Variants in CA10 observed in about 807,000 individuals in gnomAD.
The protein encoded by CA10 is carbonic anhydrase 10 (inactive).
Under a neutral mutation model 44.2 loss-of-function variants are expected in CA10, and 14 were observed. The ratio of observed to expected loss-of-function variants is 0.32; its 90% CI spans 0.21 to 0.50. The LOEUF (loss-of-function observed/expected upper bound fraction) is 0.50, where lower values mean the gene tolerates loss of function less well. Among genes scored for constraint, CA10 ranks in the 20% least tolerant of loss-of-function variants. The pLI is 0.99. For missense variants in CA10, 350 were observed against 409.7 expected, an observed-to-expected ratio of 0.85 and a Z score of 1.26; for synonymous variants, 159 against 141.6, an observed-to-expected ratio of 1.12 and a Z score of -0.87.
intron 2 of CA10, among the ~76,000 whole-genome samples, chr17:52,002,692 A>C (rs1203950808): frequency 6.6e-6 from 1 of 151,976 alleles, no homozygotes; most frequent in Non-Finnish European, 1.5e-5. Context: ...TTCAGAAATT[A>C]GAAAAGTTTC....
intron 3 of CA10, among the ~76,000 whole-genome samples, chr17:51,792,867 T>C (rs1449338654): frequency 6.6e-6 from 1 of 152,202 alleles, no homozygotes; most frequent in African/African-American, 2.4e-5. Flanking sequence ...AAATTTGTAT[T>C]CTCCAAAAGA....
rs935060725 is a variant in CA10 at position 51,931,050 on chromosome 17, G to A, written c.219C>T (p.Thr73=). The A allele has an allele frequency of 1.7e-5, 28 of 1,613,468 alleles. No homozygotes were observed. The highest frequency in any genetic ancestry group is 2.2e-5 in the Non-Finnish European group (26 of 1,179,670). The change falls in exon 3 of 9, where the codon ACC becomes ACT. Residue 73 remains threonine (T), a synonymous_variant. Transcript: ENST00000451037. ...GAAAGGGGTCGAAGATCATGTGACT[G>A]GTCTCTATGTTGACTGGCGACTGCC... The part of the protein sequence containing the change: ...GKRQSPVNIE[T]SHMIFDPFLT...
At chr17:52,125,628 T>A (rs2970011) in intron 1 of CA10, among the ~76,000 whole-genome samples, 11 of 152,290 alleles carry the variant, frequency 7.2e-5, no homozygotes, top group Middle Eastern at 3.4e-3. Flanking sequence ...GGTCTCTTGA[T>A]ACCTTCCTAG....
rs80317660 is a variant in CA10 at position 51,901,153 on chromosome 17, T to C, written c.279+29837A>G. Reference sequence around the variant, plus strand: ...ATCTGTATGGGCTGATGTTCCTTTTTATATTTGATGTTACTGTCCTTTGGA... The same window carrying C: ...ATCTGTATGGGCTGATGTTCCTTTTCATATTTGATGTTACTGTCCTTTGGA... On this transcript the variant is annotated intron_variant, in intron 3 of 8. Transcript: ENST00000451037. Among the ~76,000 whole-genome samples the C allele has an allele frequency of 5.3e-3, 807 of 152,284 alleles. 10 individuals are homozygous for C. The highest frequency in any genetic ancestry group is 0.019 in the African/African-American group (779 of 41,574).
At chr17:51,740,670 C>T (rs1482028557) in intron 4 of CA10, among the ~76,000 whole-genome samples, 1 of 152,194 alleles carries the variant, frequency 6.6e-6, no homozygotes, top group Non-Finnish European at 1.5e-5. Context: ...CTGCTCTGAC[C>T]TCTCCGACCT....
chr17:51,655,236 T>A (rs1913745482), intron 4 of CA10, among the ~76,000 whole-genome samples: 1 of 152,220 alleles, frequency 6.6e-6, no homozygotes, highest in Non-Finnish European at 1.5e-5. Flanking sequence ...AACCATCTTC[T>A]CGCTGGCTTT....
At chr17:51,967,939 T>C (rs1459015925) in intron 2 of CA10, among the ~76,000 whole-genome samples, 1 of 151,790 alleles carries the variant, frequency 6.6e-6, no homozygotes, top group Admixed American at 6.6e-5. Flanking sequence ...GAGATATCAT[T>C]CCTGTGTGTT....
At chr17:51,923,904 C>CA (rs1196963015) in intron 3 of CA10, among the ~76,000 whole-genome samples, 1 of 152,042 alleles carries the variant, frequency 6.6e-6, no homozygotes, top group Non-Finnish European at 1.5e-5. Context: ...TGGTTCCATT[C>CA]AAATCAGTCA....
chr17:51,658,725 G>A (rs543085991), intron 4 of CA10, among the ~76,000 whole-genome samples: 65 of 152,276 alleles, frequency 4.3e-4, no homozygotes, highest in African/African-American at 1.5e-3. Flanking sequence ...TGTTAAATAA[G>A]AAACCAATTG....
At chr17:51,650,378 T>G (rs1318481469) in intron 5 of CA10, among the ~76,000 whole-genome samples, 1 of 152,182 alleles carries the variant, frequency 6.6e-6, no homozygotes, top group Non-Finnish European at 1.5e-5. Context: ...TTGGAAAAAT[T>G]GCAGCAGATG....
chr17:52,123,066 C>T (rs1001493160), intron 1 of CA10, among the ~76,000 whole-genome samples: 14 of 152,088 alleles, frequency 9.2e-5, no homozygotes, highest in Non-Finnish European at 1.3e-4. Flanking sequence ...TGGGAGATCA[C>T]CTATGATTGC....
intron 2 of CA10, among the ~76,000 whole-genome samples, chr17:52,040,270 G>T (rs771737345): frequency 2.0e-5 from 3 of 151,152 alleles, no homozygotes; most frequent in Non-Finnish European, 4.4e-5. Context: ...CCTGATATCA[G>T]GTTCCATAAA....
At chr17:51,889,011 C>CTT (rs1567874349) in intron 3 of CA10, among the ~76,000 whole-genome samples, 7 of 152,008 alleles carry the variant, frequency 4.6e-5, no homozygotes, top group African/African-American at 1.7e-4. Flanking sequence ...AGAAGTTGGC[C>CTT]GGGAGCTCAG....
At chr17:51,863,715 T>C (rs1169117996) in intron 3 of CA10, among the ~76,000 whole-genome samples, 4 of 152,162 alleles carry the variant, frequency 2.6e-5, no homozygotes, top group Non-Finnish European at 5.9e-5. Flanking sequence ...CTCAGGATCA[T>C]GCTATACTTG....
chr17:51,636,085 CATACATATACAT>C (rs113563920), intron 6 of CA10, 76 bp from the exon 7 acceptor site: 2 of 750,536 alleles, frequency 2.7e-6, no homozygotes, highest in East Asian at 2.6e-5. Flanking sequence ...TACATACATA[CATACATATACAT>C]ATACATATAC....
intron 3 of CA10, among the ~76,000 whole-genome samples, chr17:51,811,262 A>T (rs1418640699): frequency 1.3e-5 from 2 of 151,762 alleles, no homozygotes; most frequent in Admixed American, 6.6e-5. Context: ...AAATGACCAA[A>T]CAGTCCCCTT....
intron 2 of CA10, among the ~76,000 whole-genome samples, chr17:51,942,538 TTATATA>T (rs10549926): frequency 2.2e-5 from 3 of 135,142 alleles, no homozygotes; most frequent in South Asian, 2.8e-4. Flanking sequence ...CTTGCAGGCA[TTATATA>T]TATATATATA....
At chr17:51,859,162 CA>C (rs1184574377) in intron 3 of CA10, among the ~76,000 whole-genome samples, 1 of 152,052 alleles carries the variant, frequency 6.6e-6, no homozygotes, top group Non-Finnish European at 1.5e-5. Context: ...TCTTCTACAT[CA>C]GGGCAGAGTT....
At chr17:51,880,370 G>T (rs1300724006) in intron 3 of CA10, among the ~76,000 whole-genome samples, 1 of 151,976 alleles carries the variant, frequency 6.6e-6, no homozygotes, top group African/African-American at 2.4e-5. Flanking sequence ...GCAGTGGCAT[G>T]ATCTTGCCTC....
Sources: gnomAD v4.1 joint callset for allele counts (sites outside exome capture counted in the v4.1 genomes callset) on GRCh38, gnomAD v4.1.1 for gene constraint, MANE v1.5 for transcripts, NCBI Gene and HGNC (gene_info 2026-07-23, HGNC 2026-07-21) for gene names.